Variants in IMPA2 observed in about 807,000 individuals in gnomAD.
IMPA2 encodes IMP 2.
In IMPA2, 32 loss-of-function variants were observed where a neutral mutation model predicts 35.1. The ratio of observed to expected loss-of-function variants is 0.91; its 90% CI spans 0.69 to 1.23. IMPA2 has a LOEUF of 1.23. Among genes scored for constraint, IMPA2 ranks in the 50% most tolerant of loss-of-function variants. The pLI, the probability that IMPA2 is intolerant of heterozygous loss-of-function variation, is 0.00. For missense variants in IMPA2, 334 were observed against 387.6 expected, an observed-to-expected ratio of 0.86 and a Z score of 1.16; for synonymous variants, 135 against 160.6, an observed-to-expected ratio of 0.84 and a Z score of 1.20.
At chr18:11,986,835 C>T (rs1405619271) in intron 1 of IMPA2, among the ~76,000 whole-genome samples, 16 of 152,172 alleles carry the variant, frequency 1.1e-4, no homozygotes, top group African/African-American at 3.9e-4. Flanking sequence ...CTGTGTTACG[C>T]CGTGTAGTGG....
chr18:11,999,051 C>G lies in IMPA2; in HGVS notation c.97-3C>G, dbSNP rs1304547033. The stretch of plus-strand genomic sequence containing the variant: ...TAACCCAAATCCCGTACTTTTATTT[C>G]AGATCATCAGAAAAGCCCTTACTGA... On this transcript the variant is annotated splice_polypyrimidine_tract_variant and splice_region_variant and intron_variant, in intron 1 of 7. Transcript: ENST00000269159. 6.2e-7 allele frequency: 1 copy of G among 1,609,728 alleles called. No individual in the cohort carries two copies. The highest frequency in any genetic ancestry group is 8.5e-7 in the Non-Finnish European group (1 of 1,178,436).
chr18:12,002,524 A>C lies in IMPA2; in HGVS notation c.230+3337A>C, dbSNP rs189573003. ...TGCAGTGGCTCATGTCTGTAATACT[A>C]GCACTTCAGGAGCCCAAGGTCAGAG... On this transcript the variant is annotated intron_variant, in intron 2 of 7. Transcript: ENST00000269159. Among the ~76,000 whole-genome samples the C allele has an allele frequency of 2.0e-3, 304 of 152,288 alleles. 2 individuals carry two copies. Among genetic ancestry groups the C allele is most frequent in the Admixed American group, 4.1e-3 (62 of 15,300 alleles).
At chr18:12,002,940 C>T (rs1907152827) in intron 2 of IMPA2, among the ~76,000 whole-genome samples, 1 of 151,520 alleles carries the variant, frequency 6.6e-6, no homozygotes, top group African/African-American at 2.4e-5. Flanking sequence ...CACCTGTAAT[C>T]CCTGCACTTT....
At position 12,001,740 on chromosome 18, in the gene IMPA2, G is replaced by T. The variant is rs112978902; in HGVS notation, c.230+2553G>T. ...CCATGATGCAGAGCAGGGGATTATA[G>T]GTAGGGTGAGACAGGCTTACCTGGG... On this transcript the variant is annotated intron_variant, in intron 2 of 7. Coordinates refer to ENST00000269159, the MANE Select transcript of IMPA2 (RefSeq NM_014214.3). 3.1e-3 allele frequency among the ~76,000 whole-genome samples: 471 copies of T among 152,336 alleles called. 3 individuals are homozygous for T. Among genetic ancestry groups the T allele is most frequent in the Non-Finnish European group, 4.5e-3 (303 of 68,032 alleles).
At chr18:11,988,511 A>G (rs550244510) in intron 1 of IMPA2, among the ~76,000 whole-genome samples, 2 of 152,294 alleles carry the variant, frequency 1.3e-5, no homozygotes, top group East Asian at 3.9e-4. Context: ...CTGCTGCATG[A>G]GGTCCTTTGT....
chr18:11,985,771 A>C (rs896751974), intron 1 of IMPA2, among the ~76,000 whole-genome samples: 2 of 152,164 alleles, frequency 1.3e-5, no homozygotes, highest in Non-Finnish European at 2.9e-5. Flanking sequence ...TCTACACTGG[A>C]TGGCTCTCAG....
At chr18:11,997,689 T>G (rs1906999822) in intron 1 of IMPA2, among the ~76,000 whole-genome samples, 1 of 152,074 alleles carries the variant, frequency 6.6e-6, no homozygotes, top group Non-Finnish European at 1.5e-5. Context: ...AGCGGGTCCT[T>G]GGTGTGTGCT....
chr18:12,027,367 C>A (rs1365142128), intron 5 of IMPA2, among the ~76,000 whole-genome samples: 1 of 152,144 alleles, frequency 6.6e-6, no homozygotes, highest in Non-Finnish European at 1.5e-5. Flanking sequence ...GTGTCGGCAC[C>A]CCCCTGCATC....
chr18:12,017,054 C>T (rs1907598155), intron 5 of IMPA2, among the ~76,000 whole-genome samples: 1 of 152,206 alleles, frequency 6.6e-6, no homozygotes, highest in Non-Finnish European at 1.5e-5. Context: ...CCCTTGGCTT[C>T]CCCTTTCTTA....
In IMPA2 at chr18:12,010,378, T is replaced by G. The variant is rs1232120297; in HGVS notation, c.335+391T>G. Among the ~76,000 whole-genome samples the G allele has an allele frequency of 6.6e-6, 1 of 152,162 alleles. No individual in the cohort carries two copies. Among genetic ancestry groups the G allele is most frequent in the Non-Finnish European group, 1.5e-5 (1 of 68,022 alleles). The stretch of plus-strand genomic sequence containing the variant: ...AGCCCAAGGTGTAGAGAGTGGCCTG[T>G]GACAGGTGAGACTTGAGAGCCAGCT... On this transcript the variant is annotated intron_variant, in intron 3 of 7. Transcript: ENST00000269159. This position sits in a 1 kb window ranked among gnomAD's most constrained non-coding sequence, Gnocchi z 4.8.
At chr18:11,999,708 G>A (rs1907064463) in intron 2 of IMPA2, among the ~76,000 whole-genome samples, 1 of 152,262 alleles carries the variant, frequency 6.6e-6, no homozygotes. Flanking sequence ...GGGAATGGCT[G>A]CCACAGCCGG....
intron 5 of IMPA2, chr18:12,018,272 A>T (rs1907636971): frequency 2.0e-5 from 3 of 152,394 alleles, no homozygotes; most frequent in Non-Finnish European, 4.4e-5. Flanking sequence ...ATAAAAAGAT[A>T]ACCTTTGCTC....
chr18:12,005,831 T>C (rs1907233158), intron 2 of IMPA2, among the ~76,000 whole-genome samples: 2 of 152,214 alleles, frequency 1.3e-5, no homozygotes, highest in African/African-American at 4.8e-5. Context: ...ACTGGCAGTT[T>C]TCTTTCCACC....
chr18:12,024,653 T>A (rs1344139540), intron 5 of IMPA2, among the ~76,000 whole-genome samples: 1 of 152,142 alleles, frequency 6.6e-6, no homozygotes, highest in African/African-American at 2.4e-5. Flanking sequence ...CAAAGTATCA[T>A]GCAAGCCATC....
At chr18:11,992,803 T>C (rs1424324750) in intron 1 of IMPA2, among the ~76,000 whole-genome samples, 1 of 152,202 alleles carries the variant, frequency 6.6e-6, no homozygotes, top group Non-Finnish European at 1.5e-5. Flanking sequence ...GGACCTTACC[T>C]GGCAACCCCA....
At chr18:12,017,644 G>A (rs565695226) in intron 5 of IMPA2, 172 of 403,830 alleles carry the variant, frequency 4.3e-4, no homozygotes, top group Admixed American at 6.6e-4. Flanking sequence ...GCTGGAGTGC[G>A]GTGGTGCAGT....
chr18:11,999,197 C>T lies in IMPA2; in HGVS notation c.230+10C>T, dbSNP rs767293538. Reference sequence around the variant, plus strand: ...GGTTTCCTTCACACAGGTAGGTGTACTCCTCTGGGAAACACCCCCAGTAAC... The same window carrying T: ...GGTTTCCTTCACACAGGTAGGTGTATTCCTCTGGGAAACACCCCCAGTAAC... On this transcript the variant is annotated intron_variant, in intron 2 of 7. Transcript: ENST00000269159. 4 of 1,611,570 alleles carry T rather than the reference C, an allele frequency of 2.5e-6. No homozygotes were observed. The South Asian group carries it at 4.4e-5, about 18-fold the overall frequency.
intron 1 of IMPA2, among the ~76,000 whole-genome samples, chr18:11,984,509 C>T (rs942912112): frequency 6.6e-5 from 10 of 152,220 alleles, no homozygotes; most frequent in African/African-American, 1.4e-4. Context: ...TTCTGTTGGG[C>T]CAGAAACTTA....
chr18:12,006,633 G>A (rs1907254720), intron 2 of IMPA2, among the ~76,000 whole-genome samples: 1 of 152,214 alleles, frequency 6.6e-6, no homozygotes. Context: ...GGGGGCCGGG[G>A]AGGAGGTCGC....
Sources: allele counts gnomAD v4.1 joint callset (sites outside exome capture counted in the v4.1 genomes callset), GRCh38; gene constraint gnomAD v4.1.1; non-coding constraint Gnocchi (gnomAD v3.1); transcripts MANE v1.5; gene names NCBI Gene and HGNC (gene_info 2026-07-23, HGNC 2026-07-21).